Variants in ZFHX3 observed in about 807,000 individuals in gnomAD.
ZFHX3 encodes the protein zinc finger homeobox protein 3.
A neutral mutation model predicts 279.1 loss-of-function variants in ZFHX3; 42 were observed. The observed-to-expected ratio is 0.15, with a 90% confidence interval of 0.12 to 0.19. ZFHX3 has a LOEUF of 0.19. Ranked by LOEUF, ZFHX3 falls within the 10% of genes least tolerant of loss-of-function variation. The probability of loss-of-function intolerance (pLI) is 1.00; values close to 1 mark genes in which losing one functional copy is unlikely to be tolerated. For synonymous variants in ZFHX3, 2,293 were observed against 1,957.8 expected (o/e 1.17, Z -4.52); for missense variants, 4,981 against 4,754.0 (o/e 1.05, Z -1.40).
chr16:72,958,829 T>C lies in ZFHX3; in HGVS notation c.1317A>G (p.Ala439=), dbSNP rs775939875. ...KSSEGKDSGA[A]EGEKQEVGDG... ...CGCCCACTTCCTGCTTCTCTCCTTC[T>C]GCCGCCCCAGAGTCCTTGCCCTCTG... Residue 439 remains alanine, a synonymous_variant, in exon 2 of 10, where the codon GCA becomes GCG. Transcript: ENST00000268489. 10 of 1,614,008 alleles carry C rather than the reference T, an allele frequency of 6.2e-6. No homozygotes were observed. The Middle Eastern group carries it at 4.9e-4, about 80-fold the overall frequency.
intron 1 of ZFHX3, among the ~76,000 whole-genome samples, chr16:73,796,956 C>T (rs1470681476): frequency 1.3e-5 from 2 of 152,080 alleles, no homozygotes; most frequent in African/African-American, 4.8e-5. Context: ...AATCCCAGCA[C>T]TTTGGGAGGC....
chr16:73,729,389 T>C (rs998985575), intron 1 of ZFHX3, among the ~76,000 whole-genome samples: 2 of 152,086 alleles, frequency 1.3e-5, no homozygotes, highest in African/African-American at 2.4e-5. Flanking sequence ...ATTAGCTGGG[T>C]ATGATGGCGC....
At chr16:73,018,251 C>T (rs1283964851) in intron 1 of ZFHX3, among the ~76,000 whole-genome samples, 1 of 151,918 alleles carries the variant, frequency 6.6e-6, no homozygotes, top group Non-Finnish European at 1.5e-5. Context: ...CTTGGCCTCC[C>T]AAAGTGCTGG....
chr16:73,283,388 C>A (rs901029527), intron 4 of ZFHX3, among the ~76,000 whole-genome samples: 2 of 152,142 alleles, frequency 1.3e-5, no homozygotes, highest in African/African-American at 4.8e-5. Context: ...TATTTCAAGA[C>A]CAAGGGGAAA....
chr16:73,520,279 T>G (rs2019589379), intron 2 of ZFHX3, among the ~76,000 whole-genome samples: 1 of 152,216 alleles, frequency 6.6e-6, no homozygotes, highest in Non-Finnish European at 1.5e-5. Flanking sequence ...TTTTCTGAAC[T>G]TTCCATAAAT....
intron 4 of ZFHX3, among the ~76,000 whole-genome samples, chr16:72,837,601 G>C (rs2037228673): frequency 6.7e-6 from 1 of 148,286 alleles, no homozygotes; most frequent in Non-Finnish European, 1.5e-5. Context: ...GAGTAGCTTG[G>C]ACTACAGGCA....
chr16:73,491,058 T>C (rs983210259), intron 2 of ZFHX3, among the ~76,000 whole-genome samples: 5 of 152,238 alleles, frequency 3.3e-5, no homozygotes, highest in African/African-American at 4.8e-5. Context: ...GAAATATTCT[T>C]GGTCACCCTG....
At chr16:73,315,348 G>A (rs1681949888) in intron 4 of ZFHX3, among the ~76,000 whole-genome samples, 1 of 152,090 alleles carries the variant, frequency 6.6e-6, no homozygotes, top group Admixed American at 6.5e-5. Flanking sequence ...TCAAAGTTTT[G>A]AAGCCTTGCC....
At chr16:73,200,921 T>C (rs1297749574) in intron 5 of ZFHX3, among the ~76,000 whole-genome samples, 1 of 152,208 alleles carries the variant, frequency 6.6e-6, no homozygotes, top group Non-Finnish European at 1.5e-5. Context: ...TCCAATGCCT[T>C]GGGACGTACT....
chr16:73,065,599 G>C (rs887165803), intron 8 of ZFHX3, among the ~76,000 whole-genome samples: 1 of 149,874 alleles, frequency 6.7e-6, no homozygotes, highest in Admixed American at 6.7e-5. Flanking sequence ...GTGTGTGTGT[G>C]TGTGTGTGCG....
chr16:72,815,338 G>T (rs1412882891), intron 5 of ZFHX3, among the ~76,000 whole-genome samples: 1 of 151,264 alleles, frequency 6.6e-6, no homozygotes, highest in African/African-American at 2.4e-5. Context: ...AGCCTGGGAG[G>T]TTGAGGCTGC....
chr16:73,152,974 A>G (rs1219087171), intron 5 of ZFHX3, among the ~76,000 whole-genome samples: 2 of 152,044 alleles, frequency 1.3e-5, no homozygotes, highest in East Asian at 3.9e-4. Context: ...AGTTGCTGTG[A>G]AGGGGGAGGG....
intron 1 of ZFHX3, among the ~76,000 whole-genome samples, chr16:73,779,354 A>C (rs1959372380): frequency 6.6e-6 from 1 of 152,202 alleles, no homozygotes; most frequent in African/African-American, 2.4e-5. Flanking sequence ...AGTGATGAAA[A>C]GAATTCATCT....
At chr16:72,855,399 A>G (rs1172887519) in intron 4 of ZFHX3, among the ~76,000 whole-genome samples, 1 of 152,268 alleles carries the variant, frequency 6.6e-6, no homozygotes, top group Non-Finnish European at 1.5e-5. Flanking sequence ...ATAAGGAGAT[A>G]TGGAGCTGAG....
chr16:73,075,410 ATCAGTTT>A (rs1460596852), intron 8 of ZFHX3, among the ~76,000 whole-genome samples: 2 of 152,244 alleles, frequency 1.3e-5, no homozygotes, highest in Admixed American at 1.3e-4. Context: ...CAATAAAACA[ATCAGTTT>A]TCATTGTTGG....
Position 72,797,711 on chromosome 16 carries a change from G to C in ZFHX3, c.4971C>G (p.Thr1657=). ...AGGTGGTAAAGGTGTTACTGCCACT[G>C]GTGCTCACAGGACTTGGCGTGGAGG... is the stretch of plus-strand genomic sequence containing the variant. ...LSSSTPSPVS[T]SGSNTFTTSN... is the part of the protein sequence containing the mutation. Residue 1657 remains threonine (T), a synonymous_variant, in exon 9 of 10, where the codon ACC becomes ACG. Coordinates refer to ENST00000268489, the MANE Select transcript of ZFHX3 (RefSeq NM_006885.4). 6.2e-7 allele frequency: 1 copy of C among 1,614,126 alleles called. No individual in the cohort carries two copies. The highest frequency in any genetic ancestry group is 8.5e-7 in the Non-Finnish European group (1 of 1,180,022).
At chr16:73,109,966 C>T (rs1019723690) in intron 7 of ZFHX3, among the ~76,000 whole-genome samples, 39 of 152,024 alleles carry the variant, frequency 2.6e-4, no homozygotes, top group African/African-American at 9.2e-4. Flanking sequence ...TTGGGCGGGG[C>T]GCAGTGGCTC....
intron 1 of ZFHX3, among the ~76,000 whole-genome samples, chr16:73,797,216 A>AAAC (rs368442624): frequency 0.065 from 9,845 of 150,910 alleles, 1,020 homozygotes; most frequent in African/African-American, 0.22. Flanking sequence ...AAAAACAAAC[A>AAAC]AACAACAACA....
chr16:73,642,152 G>C (rs539872793), intron 2 of ZFHX3, among the ~76,000 whole-genome samples: 1 of 152,260 alleles, frequency 6.6e-6, no homozygotes, highest in African/African-American at 2.4e-5. Context: ...CCAGTCTCTC[G>C]TGAAAGCAGC....
Sources: gnomAD v4.1 joint callset for allele counts (sites outside exome capture counted in the v4.1 genomes callset) on GRCh38, gnomAD v4.1.1 for gene constraint, MANE v1.5 for transcripts, NCBI Gene and HGNC (gene_info 2026-07-23, HGNC 2026-07-21) for gene names.